Variants in IFT43 observed in about 807,000 individuals in gnomAD.
The protein encoded by IFT43 is intraflagellar transport protein 43 homolog.
A neutral mutation model predicts 32.3 loss-of-function variants in IFT43; 33 were observed. The observed-to-expected ratio is 1.02, with a 90% CI of 0.77 to 1.37. IFT43 has a LOEUF of 1.37. IFT43 is among the 40% of genes most tolerant of loss of function. IFT43 has a pLI of 0.00. For missense variants in IFT43, 274 were observed against 265.9 expected (o/e 1.03, Z -0.21); for synonymous variants, 93 against 98.2 (o/e 0.95, Z 0.31).
chr14:76,018,041 T>G (rs1327942448), intron 2 of IFT43, among the ~76,000 whole-genome samples: 11 of 152,204 alleles, frequency 7.2e-5, no homozygotes, highest in Admixed American at 2.0e-4. Flanking sequence ...TAAGTCTCTA[T>G]TTTGTTTAGT....
intron 5 of IFT43, among the ~76,000 whole-genome samples, chr14:76,065,049 G>A (rs1420716943): frequency 6.6e-6 from 1 of 152,140 alleles, no homozygotes. Flanking sequence ...GGCCACCATC[G>A]GGGCATCATC....
chr14:76,066,679 A>G lies in IFT43; in HGVS notation c.295+7306A>G, dbSNP rs1015487367. On this transcript the variant is annotated intron_variant, in intron 5 of 8. Coordinates refer to ENST00000314067, the MANE Select transcript of IFT43 (RefSeq NM_001102564.3). Reference sequence around the variant, plus strand: ...ACATTAAGCAGATCTTTGGGCAACTATAAGGAAACCTAGTGGTTCCTAATA... The same window carrying G: ...ACATTAAGCAGATCTTTGGGCAACTGTAAGGAAACCTAGTGGTTCCTAATA... 2.6e-5 allele frequency among the ~76,000 whole-genome samples: 4 copies of G among 152,320 alleles called. No individual in the cohort carries two copies. The East Asian group carries it at 7.7e-4, about 29-fold the overall frequency.
In IFT43 at chr14:76,058,712, G is replaced by C. The variant is rs759776421; in HGVS notation, c.248+38G>C. 5 of 1,609,976 alleles carry C rather than the reference G, an allele frequency of 3.1e-6. No homozygotes were observed. The East Asian group carries it at 6.7e-5, about 22-fold the overall frequency. Reference sequence around the variant, plus strand: ...TATTCTTATTCTTATGGTATCCTATGTTGATCTTGGTCAACAGTGCAGTCT... The same window carrying C: ...TATTCTTATTCTTATGGTATCCTATCTTGATCTTGGTCAACAGTGCAGTCT... On this transcript the variant is annotated intron_variant, in intron 4 of 8. Transcript: ENST00000314067.
intron 3 of IFT43, among the ~76,000 whole-genome samples, chr14:76,050,396 G>T (rs2036891161): frequency 6.6e-6 from 1 of 152,056 alleles, no homozygotes; most frequent in Admixed American, 6.6e-5. Context: ...GGGAGTATTT[G>T]GATGTGGTGG....
intron 5 of IFT43, among the ~76,000 whole-genome samples, chr14:76,080,479 C>A (rs1488522769): frequency 6.6e-6 from 1 of 152,190 alleles, no homozygotes; most frequent in Non-Finnish European, 1.5e-5. Flanking sequence ...TGACAGGACC[C>A]AAATGCTAAA....
At chr14:76,050,979 A>G (rs1341591962) in intron 3 of IFT43, among the ~76,000 whole-genome samples, 1 of 151,820 alleles carries the variant, frequency 6.6e-6, no homozygotes, top group Non-Finnish European at 1.5e-5. Flanking sequence ...GTCATTTTTA[A>G]TGTGAGCAGC....
At chr14:76,077,719 T>C (rs1285558955) in intron 5 of IFT43, among the ~76,000 whole-genome samples, 2 of 152,202 alleles carry the variant, frequency 1.3e-5, no homozygotes, top group African/African-American at 4.8e-5. Flanking sequence ...GCTTACTCCC[T>C]CTGGATTTCC....
chr14:76,049,457 G>GTTT (rs11326962), intron 3 of IFT43, among the ~76,000 whole-genome samples: 5 of 148,484 alleles, frequency 3.4e-5, no homozygotes. Context: ...AAAGCTGTGT[G>GTTT]TTTTTTTTTT....
intron 3 of IFT43, among the ~76,000 whole-genome samples, chr14:76,053,156 T>C (rs1395673428): frequency 1.3e-5 from 2 of 152,216 alleles, no homozygotes; most frequent in Non-Finnish European, 2.9e-5. Flanking sequence ...ATAGGACATA[T>C]GTGATTATAT....
At chr14:76,005,604 C>A (rs1184806222) in intron 2 of IFT43, among the ~76,000 whole-genome samples, 1 of 152,170 alleles carries the variant, frequency 6.6e-6, no homozygotes, top group Non-Finnish European at 1.5e-5. Flanking sequence ...TGGGGGCTCC[C>A]TTCTTCTCAG....
At chr14:76,030,461 A>G (rs369389635) in intron 3 of IFT43, among the ~76,000 whole-genome samples, 2 of 152,324 alleles carry the variant, frequency 1.3e-5, no homozygotes, top group South Asian at 2.1e-4. Flanking sequence ...GAGAATAGTT[A>G]TAGAATTCAC....
At chr14:76,013,459 C>T (rs898599902) in intron 2 of IFT43, among the ~76,000 whole-genome samples, 8 of 152,228 alleles carry the variant, frequency 5.3e-5, no homozygotes, top group South Asian at 2.1e-4. Context: ...GGTCATAAAA[C>T]GAGCAACAGC....
At chr14:76,002,947 C>T (rs1212346070) in intron 2 of IFT43, among the ~76,000 whole-genome samples, 3 of 152,192 alleles carry the variant, frequency 2.0e-5, no homozygotes, top group Non-Finnish European at 4.4e-5. Flanking sequence ...TATAGAATAT[C>T]TAATCTGCTT....
intron 2 of IFT43, among the ~76,000 whole-genome samples, chr14:76,019,890 C>A (rs2036258020): frequency 6.6e-6 from 1 of 151,712 alleles, no homozygotes; most frequent in African/African-American, 2.4e-5. Context: ...TCTTCAGTTC[C>A]AGGATTTCTA....
chr14:76,000,713 G>A (rs1013091233), intron 2 of IFT43, among the ~76,000 whole-genome samples: 1 of 152,202 alleles, frequency 6.6e-6, no homozygotes, highest in East Asian at 1.9e-4. Context: ...CAAGAGACCT[G>A]TTTGAGGGCA....
chr14:75,994,828 A>G (rs1275312871), intron 2 of IFT43, among the ~76,000 whole-genome samples: 1 of 152,222 alleles, frequency 6.6e-6, no homozygotes, highest in African/African-American at 2.4e-5. Context: ...CCTTCTATTG[A>G]TTCAAATGAT....
chr14:76,037,372 A>G (rs2036620182), intron 3 of IFT43, among the ~76,000 whole-genome samples: 1 of 152,202 alleles, frequency 6.6e-6, no homozygotes, highest in African/African-American at 2.4e-5. Context: ...AGCGCCCATC[A>G]GACTCCCCTC....
chr14:76,027,706 CA>C (rs34486241), intron 3 of IFT43, among the ~76,000 whole-genome samples: 40,055 of 97,292 alleles, frequency 0.41, 6,143 homozygotes, highest in East Asian at 0.56. Flanking sequence ...GAGACTGTCT[CA>C]AAAAAAAAAA....
At chr14:76,022,905 A>G (rs1389351952) in intron 3 of IFT43, among the ~76,000 whole-genome samples, 1 of 152,216 alleles carries the variant, frequency 6.6e-6, no homozygotes, top group Non-Finnish European at 1.5e-5. Flanking sequence ...CTCCCCTGAC[A>G]TATATCAGTC....
Sources: gnomAD v4.1 joint callset for allele counts (sites outside exome capture counted in the v4.1 genomes callset) on GRCh38, gnomAD v4.1.1 for gene constraint, MANE v1.5 for transcripts, NCBI Gene and HGNC (gene_info 2026-07-23, HGNC 2026-07-21) for gene names.